The following GALNT2 variants were observed in gnomAD, a reference collection of about 807,000 sequenced individuals.
The protein encoded by GALNT2 is polypeptide N-acetylgalactosaminyltransferase 2, also known as UDP-GalNAc:polypeptide N-acetylgalactosaminyltransferase 2.
GALNT2 carries 31 observed loss-of-function variants against 81.4 expected under a neutral mutation model. That is an observed-to-expected ratio of 0.38 (90% CI 0.29 to 0.51). The LOEUF is 0.51. GALNT2 is among the 20% of genes least tolerant of loss of function. The pLI is 0.87. For synonymous variants in GALNT2, 303 were observed against 287.4 expected, an observed-to-expected ratio of 1.05 and a Z score of -0.55; for missense variants, 629 against 765.7, an observed-to-expected ratio of 0.82 and a Z score of 2.11.
intron 3 of GALNT2, among the ~76,000 whole-genome samples, chr1:230,224,726 G>A (rs1305804916): frequency 2.0e-5 from 3 of 152,144 alleles, no homozygotes; most frequent in Admixed American, 6.5e-5. Context: ...TGGATTCTCC[G>A]CTTGGCCTGA....
At chr1:230,252,879 G>C (rs762751851) in intron 10 of GALNT2, among the ~76,000 whole-genome samples, 2 of 116,934 alleles carry the variant, frequency 1.7e-5, no homozygotes, top group Admixed American at 2.4e-4. Flanking sequence ...ATGGAGTCTC[G>C]CTCTGTCACC....
intron 1 of GALNT2, among the ~76,000 whole-genome samples, chr1:230,150,653 T>G (rs539302101): frequency 2.8e-4 from 42 of 152,358 alleles, no homozygotes; most frequent in African/African-American, 1.0e-3. Flanking sequence ...CTACTTATAA[T>G]TCTGTCTAAG....
intron 14 of GALNT2, among the ~76,000 whole-genome samples, chr1:230,265,836 T>G (rs1011892705): frequency 2.3e-4 from 35 of 152,204 alleles, no homozygotes; most frequent in African/African-American, 8.4e-4. Context: ...TAGCTTAAGA[T>G]AGAAGATACT....
At chr1:230,184,188 A>G (rs1467808991) in intron 2 of GALNT2, among the ~76,000 whole-genome samples, 1 of 142,412 alleles carries the variant, frequency 7.0e-6, no homozygotes, top group Non-Finnish European at 1.5e-5. Flanking sequence ...TTTGAAGATC[A>G]ATCTTTTTTT....
chr1:230,186,190 TGA>T (rs1663330179), intron 2 of GALNT2, among the ~76,000 whole-genome samples: 1 of 152,180 alleles, frequency 6.6e-6, no homozygotes, highest in South Asian at 2.1e-4. Flanking sequence ...TGTTTGCTGG[TGA>T]GAGTGTTTGC....
chr1:230,088,826 C>T (rs1392839592), intron 1 of GALNT2, among the ~76,000 whole-genome samples: 3 of 151,806 alleles, frequency 2.0e-5, no homozygotes, highest in South Asian at 4.2e-4. Flanking sequence ...TGTGAGCCAC[C>T]GCGCCCGGCC....
chr1:230,108,265 C>A (rs189935384), intron 1 of GALNT2, among the ~76,000 whole-genome samples: 135 of 152,308 alleles, frequency 8.9e-4, no homozygotes, highest in African/African-American at 2.4e-3. Context: ...GGAAGTTTTC[C>A]TCATGTTTTG....
In GALNT2 at chr1:230,070,172, A is replaced by C. The variant is rs562547728; in HGVS notation, c.126+2766A>C. Among the ~76,000 whole-genome samples the C allele has an allele frequency of 6.6e-6, 1 of 152,366 alleles. No individual in the cohort carries two copies. The highest frequency in any genetic ancestry group is 2.1e-4 in the South Asian group (1 of 4,832). ...AACTCGGGACTCAACACCCAGGCTC[A>C]GGACATGTATGTTAAAGCAGTTTAT... On this transcript the variant is annotated intron_variant, in intron 1 of 15. Coordinates refer to ENST00000366672, the MANE Select transcript of GALNT2 (RefSeq NM_004481.5). The surrounding 1 kb of genome is among the most constrained non-coding windows in gnomAD (Gnocchi z 4.7).
chr1:230,189,990 T>C (rs1663464162), intron 2 of GALNT2, among the ~76,000 whole-genome samples: 4 of 152,220 alleles, frequency 2.6e-5, no homozygotes, highest in Admixed American at 2.0e-4. Context: ...CTGTGAACCA[T>C]GTGCCCTGTG....
chr1:230,179,462 T>C (rs887368097), intron 2 of GALNT2, among the ~76,000 whole-genome samples: 1 of 152,232 alleles, frequency 6.6e-6, no homozygotes, highest in African/African-American at 2.4e-5. Flanking sequence ...CACCAGCATT[T>C]GGTGTTGCCA....
chr1:230,111,090 T>C (rs1200748637), intron 1 of GALNT2, among the ~76,000 whole-genome samples: 1 of 152,250 alleles, frequency 6.6e-6, no homozygotes, highest in Non-Finnish European at 1.5e-5. Context: ...ACTGCATGTG[T>C]CTGCATTTAT....
chr1:230,069,030 C>T (rs1196690957), intron 1 of GALNT2, among the ~76,000 whole-genome samples: 1 of 152,206 alleles, frequency 6.6e-6, no homozygotes, highest in Non-Finnish European at 1.5e-5. Context: ...TGAGACCTGG[C>T]AAAGCTTTCT....
chr1:230,101,717 A>G (rs1660408404), intron 1 of GALNT2, among the ~76,000 whole-genome samples: 1 of 152,228 alleles, frequency 6.6e-6, no homozygotes, highest in South Asian at 2.1e-4. Flanking sequence ...CTGTAAATCT[A>G]TGACAGATTA....
chr1:230,201,220 G>A (rs537415175), intron 2 of GALNT2, among the ~76,000 whole-genome samples: 2 of 152,110 alleles, frequency 1.3e-5, no homozygotes, highest in South Asian at 4.1e-4. Flanking sequence ...CACCTTGGCC[G>A]GCTCCCACAG....
chr1:230,131,702 T>G (rs898786650), intron 1 of GALNT2, among the ~76,000 whole-genome samples: 3 of 152,220 alleles, frequency 2.0e-5, no homozygotes, highest in Non-Finnish European at 4.4e-5. Flanking sequence ...CCTGGAGAGA[T>G]AAGGCAGGGG....
chr1:230,211,169 A>G (rs999469972), intron 3 of GALNT2, among the ~76,000 whole-genome samples: 1 of 152,082 alleles, frequency 6.6e-6, no homozygotes, highest in Non-Finnish European at 1.5e-5. Flanking sequence ...GCCTCCTGAG[A>G]TTCTTGTGAC....
chr1:230,126,203 C>T (rs987882052), intron 1 of GALNT2, among the ~76,000 whole-genome samples: 1 of 152,192 alleles, frequency 6.6e-6, no homozygotes, highest in Non-Finnish European at 1.5e-5. Context: ...ATGGGAACTT[C>T]CCAGAGCAGG....
At chr1:230,219,677 T>C (rs903918081) in intron 3 of GALNT2, among the ~76,000 whole-genome samples, 2 of 152,150 alleles carry the variant, frequency 1.3e-5, no homozygotes, top group Non-Finnish European at 2.9e-5. Flanking sequence ...CACTTACCTT[T>C]CTTGAGACTT....
At chr1:230,214,597 C>CT (rs1026993445) in intron 3 of GALNT2, among the ~76,000 whole-genome samples, 1 of 152,084 alleles carries the variant, frequency 6.6e-6, no homozygotes, top group African/African-American at 2.4e-5. Flanking sequence ...TCAGATATTT[C>CT]TTTTTTTCAG....
Sources: allele counts gnomAD v4.1 joint callset (sites outside exome capture counted in the v4.1 genomes callset), GRCh38; gene constraint gnomAD v4.1.1; non-coding constraint Gnocchi (gnomAD v3.1); transcripts MANE v1.5; gene names NCBI Gene and HGNC (gene_info 2026-07-23, HGNC 2026-07-21).